Variants in HTR2C observed in about 807,000 individuals in gnomAD.
HTR2C encodes the protein 5-hydroxytryptamine (serotonin) receptor 2C, G protein-coupled.
A neutral mutation model predicts 21.0 loss-of-function variants in HTR2C; 5 were observed. That is an observed-to-expected ratio of 0.24 (90% CI 0.12 to 0.50). HTR2C has a LOEUF of 0.50. HTR2C is among the 20% of genes least tolerant of loss of function. The pLI, the probability that HTR2C is intolerant of heterozygous loss-of-function variation, is 0.98. For missense variants in HTR2C, 271 were observed against 371.2 expected (o/e 0.73, Z 2.22); for synonymous variants, 150 against 145.3 (o/e 1.03, Z -0.23).
intron 4 of HTR2C, among the ~76,000 whole-genome samples, chrX:114,842,725 A>G (rs1461571576): frequency 9.0e-6 from 1 of 111,045 alleles, no homozygotes; most frequent in Admixed American, 9.7e-5. Context: ...GCAGAGTTAT[A>G]AACAACCTCA....
intron 4 of HTR2C, among the ~76,000 whole-genome samples, chrX:114,811,309 A>G (rs1451721797): frequency 3.7e-5 from 4 of 108,923 alleles, no homozygotes; most frequent in African/African-American, 6.7e-5. Flanking sequence ...TTTTTTTTTC[A>G]TGGTTTCCCT....
At chrX:114,849,486 C>T (rs1385235455) in intron 5 of HTR2C, among the ~76,000 whole-genome samples, 2 of 112,370 alleles carry the variant, frequency 1.8e-5, no homozygotes, top group African/African-American at 6.5e-5. Flanking sequence ...TTCTAGTTCA[C>T]TTTTGCCAAT....
intron 4 of HTR2C, among the ~76,000 whole-genome samples, chrX:114,761,979 G>A (rs782365068): frequency 7.6e-4 from 68 of 89,698 alleles, no homozygotes; most frequent in Non-Finnish European, 1.3e-3. Flanking sequence ...GTATATATAC[G>A]TGTATATATA....
chrX:114,846,735 GA>G (rs1375734011), intron 4 of HTR2C, among the ~76,000 whole-genome samples: 1 of 112,259 alleles, frequency 8.9e-6, no homozygotes, highest in East Asian at 2.8e-4. Context: ...TAAGATCAGG[GA>G]AAAAAGGCAG....
At chrX:114,885,424 A>G (rs984287264) in intron 5 of HTR2C, among the ~76,000 whole-genome samples, 1 of 110,960 alleles carries the variant, frequency 9.0e-6, no homozygotes, top group Non-Finnish European at 1.9e-5. Flanking sequence ...TCACCTAACA[A>G]CACATTTCTC....
intron 5 of HTR2C, among the ~76,000 whole-genome samples, chrX:114,886,460 A>G (rs782620394): frequency 2.7e-5 from 3 of 109,967 alleles, no homozygotes; most frequent in Non-Finnish European, 5.7e-5. Context: ...GTAAGTGGAT[A>G]TTTTCTAATG....
At chrX:114,781,344 A>G (rs1556440559) in intron 4 of HTR2C, among the ~76,000 whole-genome samples, 1 of 110,573 alleles carries the variant, frequency 9.0e-6, no homozygotes, top group Non-Finnish European at 1.9e-5. Context: ...AAAAATAAAA[A>G]AATTAGCCTG....
chrX:114,725,463 T>G (rs376506588), intron 2 of HTR2C, among the ~76,000 whole-genome samples: 19 of 111,557 alleles, frequency 1.7e-4, no homozygotes, highest in Non-Finnish European at 3.6e-4. Context: ...TGGTTTGAAT[T>G]TCCTCCCGTA....
intron 4 of HTR2C, among the ~76,000 whole-genome samples, chrX:114,745,403 G>A (rs182338812): frequency 3.0e-4 from 34 of 111,840 alleles, no homozygotes; most frequent in Admixed American, 1.8e-3. Context: ...GAGGTTCCTC[G>A]ATAAACTAAA....
chrX:114,649,835 G>A (rs1056448077), intron 2 of HTR2C, among the ~76,000 whole-genome samples: 9 of 110,701 alleles, frequency 8.1e-5, no homozygotes, highest in African/African-American at 3.0e-4. Flanking sequence ...GGCTGGTAAC[G>A]AACTCCTGAC....
rs1313644637 is a variant in HTR2C at position 114,701,579 on chromosome X, G to C, written c.-79-25279G>C. Among the ~76,000 whole-genome samples, 18 of 110,975 alleles carry C rather than the reference G, an allele frequency of 1.6e-4. No individual in the cohort carries two copies. In the Admixed American group the frequency reaches 1.7e-3, roughly 11 times the overall value. ...CCATCTGTACATCACCATCATCAAA[G>C]ACCAAAAGTAGATAAAACCACAAAG... On this transcript the variant is annotated intron_variant, in intron 2 of 5. Transcript: ENST00000276198.
intron 3 of HTR2C, among the ~76,000 whole-genome samples, chrX:114,729,051 A>G (rs2069510905): frequency 8.9e-6 from 1 of 112,241 alleles, no homozygotes; most frequent in South Asian, 3.6e-4. Context: ...AAAACAGAAC[A>G]TTGTTTTTTA....
rs181357430 is a variant in HTR2C at position 114,644,491 on chromosome X, C to T, written c.-80+30610C>T. On this transcript the variant is annotated intron_variant, in intron 2 of 5. Coordinates refer to ENST00000276198, the MANE Select transcript of HTR2C (RefSeq NM_000868.4). ...ATTATTTAATGAGCTTTATGAGCCT[C>T]GGAGGTTCACATCATGGGATTACTA... Among the ~76,000 whole-genome samples, 761 of 97,691 alleles carry T rather than the reference C, an allele frequency of 7.8e-3. 10 individuals are homozygous for T. Among genetic ancestry groups the T allele is most frequent in the African/African-American group, 0.028 (727 of 26,308 alleles). The allele number at this position is 97,691 out of a possible 115,157, so 84.8% of individuals were successfully genotyped here.
chrX:114,888,934 T>G (rs2071240328), intron 5 of HTR2C, among the ~76,000 whole-genome samples: 1 of 111,957 alleles, frequency 8.9e-6, no homozygotes, highest in Admixed American at 9.5e-5. Flanking sequence ...TTATTTAAAG[T>G]CTTTTTCCAG....
intron 5 of HTR2C, among the ~76,000 whole-genome samples, chrX:114,883,117 C>A (rs1185629608): frequency 9.1e-6 from 1 of 109,657 alleles, no homozygotes; most frequent in Non-Finnish European, 1.9e-5. Context: ...AAAAATTTGA[C>A]CATTTTATCT....
At chrX:114,861,929 G>A (rs782091142) in intron 5 of HTR2C, among the ~76,000 whole-genome samples, 3 of 111,228 alleles carry the variant, frequency 2.7e-5, no homozygotes, top group Admixed American at 9.6e-5. Context: ...TCAATTCATA[G>A]GAACCATTTC....
intron 4 of HTR2C, among the ~76,000 whole-genome samples, chrX:114,734,118 A>G (rs2069563996): frequency 9.0e-6 from 1 of 111,499 alleles, no homozygotes; most frequent in Admixed American, 9.6e-5. Context: ...TAGAAGAAAA[A>G]TACATCATAT....
At chrX:114,906,397 T>C (rs1556486637) in intron 5 of HTR2C, among the ~76,000 whole-genome samples, 192 bp from the exon 6 acceptor site, 1 of 111,644 alleles carries the variant, frequency 9.0e-6, no homozygotes, top group African/African-American at 3.3e-5. Flanking sequence ...ATTCCTAACA[T>C]GAAAAACGCC....
chrX:114,655,331 G>T (rs1556409127), intron 2 of HTR2C, among the ~76,000 whole-genome samples: 1 of 111,195 alleles, frequency 9.0e-6, no homozygotes, highest in Non-Finnish European at 1.9e-5. Context: ...TGTTTTAAAT[G>T]GTCTGGTAAA....
Sources: allele counts gnomAD v4.1 joint callset (sites outside exome capture counted in the v4.1 genomes callset), GRCh38; gene constraint gnomAD v4.1.1; transcripts MANE v1.5; gene names NCBI Gene and HGNC (gene_info 2026-07-23, HGNC 2026-07-21).